PICALM: variants seen among roughly 807,000 people sequenced by gnomAD.
PICALM encodes phosphatidylinositol binding clathrin assembly protein, also known as phosphatidylinositol-binding clathrin assembly protein.
PICALM carries 40 observed loss-of-function variants against 80.5 expected under a neutral mutation model. The observed-to-expected ratio is 0.50, with a 90% CI of 0.39 to 0.65. The LOEUF is 0.65. Among genes scored for constraint, PICALM ranks in the 30% least tolerant of loss-of-function variants. The pLI is 0.00. For missense variants in PICALM, 676 were observed against 778.9 expected (o/e 0.87, Z 1.57); for synonymous variants, 288 against 260.3 (o/e 1.11, Z -1.02).
intron 1 of PICALM, among the ~76,000 whole-genome samples, chr11:86,055,758 TC>T (rs1205143826): frequency 1.3e-5 from 2 of 152,176 alleles, no homozygotes; most frequent in African/African-American, 4.8e-5. Flanking sequence ...TAAAATTTCT[TC>T]CTAAAACTCT....
intron 18 of PICALM, among the ~76,000 whole-genome samples, chr11:85,975,973 A>G (rs1832548992): frequency 6.6e-6 from 1 of 152,206 alleles, no homozygotes; most frequent in Admixed American, 6.5e-5. Context: ...AGTTACTTCC[A>G]TATCATATAC....
intron 8 of PICALM, 173 bp downstream of exon 8, chr11:86,007,369 C>G: frequency 2.4e-6 from 1 of 424,422 alleles, no homozygotes; most frequent in Non-Finnish European, 4.5e-6. Flanking sequence ...GTAAGCAGAT[C>G]ATTTTACGTG....
At chr11:86,016,289 T>C (rs1354996970) in intron 4 of PICALM, among the ~76,000 whole-genome samples, 1 of 152,146 alleles carries the variant, frequency 6.6e-6, no homozygotes, top group Non-Finnish European at 1.5e-5. Flanking sequence ...AACCACATCA[T>C]CCTAGCCCCA....
At chr11:86,010,999 G>A (rs2095385009) in intron 7 of PICALM, 31 bp downstream of exon 7, 1 of 940,028 alleles carries the variant, frequency 1.1e-6, no homozygotes, top group African/African-American at 1.6e-5. Flanking sequence ...AAAAAGGCAA[G>A]TTAGGAGACA....
chr11:85,975,064 T>C (rs1459373690), intron 18 of PICALM, among the ~76,000 whole-genome samples: 2 of 152,214 alleles, frequency 1.3e-5, no homozygotes, highest in Admixed American at 6.5e-5. Context: ...ATTCAATGAG[T>C]TGCAAAATGT....
intron 1 of PICALM, among the ~76,000 whole-genome samples, chr11:86,061,499 C>T (rs1422020708): frequency 2.6e-5 from 4 of 151,780 alleles, no homozygotes; most frequent in Non-Finnish European, 4.4e-5. Context: ...ATAAAGATGG[C>T]GAGTATGCAT....
chr11:85,996,986 T>C (rs1173594028), intron 11 of PICALM, 57 bp from the exon 12 acceptor site: 2 of 983,710 alleles, frequency 2.0e-6, no homozygotes, highest in African/African-American at 1.6e-5. Flanking sequence ...GCTACTTTAG[T>C]GTCACCTTCT....
At chr11:86,045,242 A>C (rs1348679401) in intron 1 of PICALM, among the ~76,000 whole-genome samples, 1 of 152,174 alleles carries the variant, frequency 6.6e-6, no homozygotes. Context: ...TTAAGTTTCT[A>C]CAAGAAGGAA....
chr11:85,996,289 A>T (rs1013198007), intron 12 of PICALM, among the ~76,000 whole-genome samples: 9 of 152,162 alleles, frequency 5.9e-5, no homozygotes, highest in African/African-American at 1.9e-4. Context: ...CAAGGGGAAA[A>T]TTCTTTGACT....
At chr11:86,061,902 C>A (rs1287266063) in intron 1 of PICALM, among the ~76,000 whole-genome samples, 1 of 151,762 alleles carries the variant, frequency 6.6e-6, no homozygotes, top group African/African-American at 2.4e-5. Flanking sequence ...CCGGGTATAT[C>A]CAGATAATAG....
At chr11:85,992,430 G>A (rs914006837) in intron 12 of PICALM, among the ~76,000 whole-genome samples, 4 of 151,826 alleles carry the variant, frequency 2.6e-5, no homozygotes, top group South Asian at 2.1e-4. Context: ...GATTACAGGC[G>A]CGTGCCACCA....
intron 1 of PICALM, among the ~76,000 whole-genome samples, chr11:86,052,252 G>A (rs12270430): frequency 0.029 from 4,361 of 152,244 alleles, 216 homozygotes; most frequent in African/African-American, 0.1. Flanking sequence ...GAAAGGACAT[G>A]TTTGCTTCCC....
Position 86,061,568 on chromosome 11 carries a change from A to T in PICALM, c.130+7083T>A, listed in dbSNP as rs371765988. On this transcript the variant is annotated intron_variant, in intron 1 of 19. Transcript: ENST00000393346. ...ATTAAAACAATACCACTACACACCTATTAGAATGGCCAAAACCCATTAACA... is the reference window on the plus strand; with the variant it reads ...ATTAAAACAATACCACTACACACCTTTTAGAATGGCCAAAACCCATTAACA... Among the ~76,000 whole-genome samples the T allele has an allele frequency of 1.7e-3, 252 of 152,282 alleles. 1 individual carries two copies. The highest frequency in any genetic ancestry group is 5.7e-3 in the African/African-American group (238 of 41,546).
At position 86,054,387 on chromosome 11, in the gene PICALM, G is replaced by A. The variant is rs80287916; in HGVS notation, c.130+14264C>T. 2.8e-4 allele frequency among the ~76,000 whole-genome samples: 43 copies of A among 152,282 alleles called. 1 individual carries two copies. In the East Asian group the frequency reaches 8.1e-3, roughly 29 times the overall value. Reference sequence around the variant, plus strand: ...GAAAGGAGGGCTCTAAAATGAAGACGGAGGATGGCACTGAAGAGCCCAGAG... The same window carrying A: ...GAAAGGAGGGCTCTAAAATGAAGACAGAGGATGGCACTGAAGAGCCCAGAG... On this transcript the variant is annotated intron_variant, in intron 1 of 19. Coordinates refer to ENST00000393346, the MANE Select transcript of PICALM (RefSeq NM_007166.4).
intron 1 of PICALM, among the ~76,000 whole-genome samples, chr11:86,047,841 C>T (rs771061575): frequency 5.3e-5 from 8 of 151,936 alleles, no homozygotes; most frequent in African/African-American, 9.7e-5. Flanking sequence ...GGCTCACACT[C>T]GTAATACCAG....
intron 1 of PICALM, 67 bp downstream of exon 1, chr11:86,068,584 G>C: frequency 8.1e-6 from 12 of 1,475,956 alleles, no homozygotes; most frequent in East Asian, 2.4e-5. Flanking sequence ...AGACAAGAGA[G>C]AGAGAGAAGG....
intron 19 of PICALM, among the ~76,000 whole-genome samples, chr11:85,967,944 A>ACAG (rs1042843073): frequency 2.6e-5 from 4 of 151,230 alleles, no homozygotes; most frequent in African/African-American, 9.7e-5. Flanking sequence ...ACTGCAAACA[A>ACAG]CAAAAAACAG....
chr11:86,068,914 CG>C lies in PICALM; in HGVS notation c.-135del, dbSNP rs1366370551. The C allele has an allele frequency of 1.6e-6, 2 of 1,247,472 alleles. No individual in the cohort carries two copies. Among genetic ancestry groups the C allele is most frequent in the Non-Finnish European group, 2.1e-6 (2 of 930,332 alleles). 77.3% of individuals were successfully genotyped at this position (1,247,472 alleles called of 1,614,324 possible). ...CTTCCCCGCCTGCCGGCCTGGGGCG[CG>C]GTTCGGGGCCGCGCGCTGCCACCAG... On this transcript the variant is annotated 5_prime_UTR_variant, in exon 1 of 20. Coordinates refer to ENST00000393346, the MANE Select transcript of PICALM (RefSeq NM_007166.4).
At chr11:86,034,772 C>T (rs765104926) in intron 1 of PICALM, among the ~76,000 whole-genome samples, 5 of 152,038 alleles carry the variant, frequency 3.3e-5, no homozygotes, top group Non-Finnish European at 2.9e-5. Flanking sequence ...TAAAAATAAG[C>T]CTACCATAGA....
Sources: gnomAD v4.1 joint callset for allele counts (sites outside exome capture counted in the v4.1 genomes callset) on GRCh38, gnomAD v4.1.1 for gene constraint, MANE v1.5 for transcripts, NCBI Gene and HGNC (gene_info 2026-07-23, HGNC 2026-07-21) for gene names.